TNC: variants seen among roughly 807,000 people sequenced by gnomAD.
The protein encoded by TNC is tenascin C.
Under a neutral mutation model 202.4 loss-of-function variants are expected in TNC, and 109 were observed. The observed-to-expected ratio is 0.54, with a 90% CI of 0.46 to 0.63. TNC has a LOEUF of 0.63. Among genes scored for constraint, TNC ranks in the 30% least tolerant of loss-of-function variants. The pLI, the probability that TNC is intolerant of heterozygous loss-of-function variation, is 0.00. For missense variants in TNC, 2,756 were observed against 2,833.3 expected, an observed-to-expected ratio of 0.97 and a Z score of 0.62; for synonymous variants, 1,007 against 1,089.7, an observed-to-expected ratio of 0.92 and a Z score of 1.50.
At chr9:115,111,296 T>A (rs1455432119) in intron 1 of TNC, among the ~76,000 whole-genome samples, 2 of 151,974 alleles carry the variant, frequency 1.3e-5, no homozygotes, top group Non-Finnish European at 2.9e-5. Context: ...GTGACTTTCT[T>A]CTAACAAACA....
rs367665558 is a variant in TNC, at chr9:115,082,800, A to C, written c.2139T>G (p.Pro713=). ...PVSARVATYL[P]APEGLKFKSI... The stretch of plus-strand genomic sequence containing the variant: ...ACTTGAATTTCAGGCCTTCAGGTGC[A>C]GGTAAGTCTGTAAGTAACAACATAA... Residue 713 remains proline, a synonymous_variant, in exon 5 of 28, where the codon CCT becomes CCG. Transcript: ENST00000350763. The C allele has an allele frequency of 5.0e-6, 8 of 1,612,282 alleles. No homozygotes were observed. The highest frequency in any genetic ancestry group is 1.6e-4 in the Middle Eastern group (1 of 6,082).
At chr9:115,109,790 C>A (rs184743344) in intron 1 of TNC, among the ~76,000 whole-genome samples, 1 of 152,236 alleles carries the variant, frequency 6.6e-6, no homozygotes, top group Non-Finnish European at 1.5e-5. Flanking sequence ...TTCCTCCTAT[C>A]ACATGTTGTG....
chr9:115,082,675 T>C lies in TNC; in HGVS notation c.2247+17A>G. The C allele has an allele frequency of 6.5e-7, 1 of 1,542,566 alleles. No individual in the cohort carries two copies. Among genetic ancestry groups the C allele is most frequent in the Non-Finnish European group, 9.0e-7 (1 of 1,114,970 alleles). ...AATCCTTGAGATCAAATGGATCTGC[T>C]CTTTTGTACTCCTTACCATATTCCG... On this transcript the variant is annotated intron_variant, in intron 5 of 27. Coordinates refer to ENST00000350763, the MANE Select transcript of TNC (RefSeq NM_002160.4).
chr9:115,025,387 C>CT (rs3838333), intron 26 of TNC, among the ~76,000 whole-genome samples: 64,305 of 151,992 alleles, frequency 0.42, 13,648 homozygotes, highest in Middle Eastern at 0.45. Flanking sequence ...CTCAGCCTGG[C>CT]TTTGGCAACC....
At chr9:115,087,622 CTATTCCTATGATGAT>C (rs1448869790) in intron 2 of TNC, among the ~76,000 whole-genome samples, 2 of 150,018 alleles carry the variant, frequency 1.3e-5, no homozygotes, top group Non-Finnish European at 3.0e-5. Flanking sequence ...AGAAGTCTTA[CTATTCCTATGATGAT>C]TATGAGTCAC....
chr9:115,078,303 TGG>T, intron 6 of TNC, 91 bp from the exon 7 acceptor site: 1 of 1,416,906 alleles, frequency 7.1e-7, no homozygotes, highest in Non-Finnish European at 9.5e-7. Context: ...TCCAGACCTG[TGG>T]GTGAATACTT....
Position 115,090,851 on chromosome 9 carries a change from G to T in TNC, c.168C>A (p.Ile56=). 1.2e-6 allele frequency: 2 copies of T among 1,614,216 alleles called. No homozygotes were observed. The highest frequency in any genetic ancestry group is 1.7e-6 in the Non-Finnish European group (2 of 1,180,036). The change falls in exon 2 of 28, where the codon ATC becomes ATA. Residue 56 remains isoleucine, a synonymous_variant. Coordinates refer to ENST00000350763, the MANE Select transcript of TNC (RefSeq NM_002160.4). ...QPVVFNHVYN[I]KLPVGSQCSV... ...AACACTGGGATCCCACTGGCAGCTT[G>T]ATGTTGTAAACGTGGTTAAACACCA...
At chr9:115,028,629 G>A (rs1829692117) in intron 25 of TNC, among the ~76,000 whole-genome samples, 2 of 151,352 alleles carry the variant, frequency 1.3e-5, no homozygotes, top group African/African-American at 2.4e-5. Flanking sequence ...CTGCCAATAG[G>A]AAAAAAAATA....
At chr9:115,108,309 GGTATGTTTGGAGA>G (rs1299476788) in intron 1 of TNC, among the ~76,000 whole-genome samples, 2 of 152,188 alleles carry the variant, frequency 1.3e-5, no homozygotes. Flanking sequence ...CCTATGGTCA[GGTATGTTTGGAGA>G]TACTGGGCTA....
At chr9:115,092,606 C>T (rs1835314413) in intron 1 of TNC, among the ~76,000 whole-genome samples, 1 of 152,120 alleles carries the variant, frequency 6.6e-6, no homozygotes, top group South Asian at 2.1e-4. Context: ...CAGAGTCTCA[C>T]TCTGTTGTCC....
chr9:115,044,608 A>C lies in TNC; in HGVS notation c.5125+1802T>G, dbSNP rs192395797. On this transcript the variant is annotated intron_variant, in intron 17 of 27. Transcript: ENST00000350763. ...GAACTGCAGGGCTTCTAGAAAAAAA[A>C]GATCAGCAAAACAAATCAATGATCA... 3.4e-3 allele frequency among the ~76,000 whole-genome samples: 517 copies of C among 152,282 alleles called. 13 individuals are homozygous for C. Among genetic ancestry groups the C allele is most frequent in the Admixed American group, 0.025 (376 of 15,290 alleles).
In TNC at chr9:115,101,623, A is replaced by T. The variant is rs74577794; in HGVS notation, c.-136-10469T>A. On this transcript the variant is annotated intron_variant, in intron 1 of 27. Transcript: ENST00000350763. The stretch of plus-strand genomic sequence containing the variant: ...TCCCAAGCCAATAGCAAGAGTATAA[A>T]TGTTAACATTCTTTCAAGAGCGAAA... 6.6e-3 allele frequency among the ~76,000 whole-genome samples: 1,005 copies of T among 152,334 alleles called. 10 individuals are homozygous for T. The highest frequency in any genetic ancestry group is 0.016 in the South Asian group (77 of 4,828).
At chr9:115,044,402 C>A (rs1446054265) in intron 17 of TNC, among the ~76,000 whole-genome samples, 1 of 151,568 alleles carries the variant, frequency 6.6e-6, no homozygotes, top group Non-Finnish European at 1.5e-5. Flanking sequence ...CACACACACA[C>A]ACACACACAC....
chr9:115,075,352 G>A (rs1046237347), intron 9 of TNC, among the ~76,000 whole-genome samples: 4 of 152,114 alleles, frequency 2.6e-5, no homozygotes, highest in Admixed American at 1.3e-4. Context: ...CTGCTTGACA[G>A]GGGTATAAAA....
intron 22 of TNC, among the ~76,000 whole-genome samples, chr9:115,032,379 C>A (rs1184135110): frequency 6.6e-6 from 1 of 152,108 alleles, no homozygotes; most frequent in East Asian, 1.9e-4. Context: ...AGTTTATCAT[C>A]ACAAGAAATG....
chr9:115,101,827 T>C (rs983795121), intron 1 of TNC, among the ~76,000 whole-genome samples: 1 of 152,084 alleles, frequency 6.6e-6, no homozygotes, highest in Admixed American at 6.5e-5. Context: ...GGGAAGTTCA[T>C]GGGGGGCTTC....
At position 115,064,798 on chromosome 9, in the gene TNC, G is replaced by C; in HGVS notation, c.3336C>G (p.Asn1112Lys). The change falls in exon 11 of 28, where the codon AAC becomes AAG. Residue 1112 changes from asparagine to lysine, a missense_variant. Coordinates refer to ENST00000350763, the MANE Select transcript of TNC (RefSeq NM_002160.4). ...TGAGGTTCCGAGCTGCCTCCACCTT[G>C]TTGGCCTCCTGCACCTGAATGATAA... ...EHFIIQVQEA[N>K]KVEAARNLTV... 1 of 1,614,130 alleles carries C rather than the reference G, an allele frequency of 6.2e-7. No individual in the cohort carries two copies. Among genetic ancestry groups the C allele is most frequent in the Non-Finnish European group, 8.5e-7 (1 of 1,180,022 alleles).
Position 115,020,843 on chromosome 9 carries a change from C to T in TNC, c.*314G>A, listed in dbSNP as rs894680469. 6 of 335,660 alleles carry T rather than the reference C, an allele frequency of 1.8e-5. No individual in the cohort carries two copies. The highest frequency in any genetic ancestry group is 8.4e-5 in the African/African-American group (4 of 47,722). The allele number at this position is 335,660 out of a possible 1,614,324, so 20.8% of individuals were successfully genotyped here. A position where few individuals can be genotyped will look rare whatever the true frequency, so the allele number is the denominator to read the frequency against. On this transcript the variant is annotated 3_prime_UTR_variant, in exon 28 of 28. Transcript: ENST00000350763. ...CTAAAACAAACTACCCCTGTACATCCTACCCCTCTCCCATTCCCAGAGCCA... is the reference window on the plus strand; with the variant it reads ...CTAAAACAAACTACCCCTGTACATCTTACCCCTCTCCCATTCCCAGAGCCA...
Position 115,048,964 on chromosome 9 carries a change from C to T in TNC, c.4580-432G>A, listed in dbSNP as rs531197975. On this transcript the variant is annotated intron_variant, in intron 15 of 27. Transcript: ENST00000350763. The stretch of plus-strand genomic sequence containing the variant: ...TTTTTTTTCGAGTATAATTTCTTTC[C>T]GGTATACTTCATGTGTTTCTATCCC... 8.6e-5 allele frequency among the ~76,000 whole-genome samples: 13 copies of T among 151,380 alleles called. No homozygotes were observed. In the Middle Eastern group the frequency reaches 0.01, roughly 119 times the overall value.
Sources: allele counts gnomAD v4.1 joint callset (sites outside exome capture counted in the v4.1 genomes callset), GRCh38; gene constraint gnomAD v4.1.1; transcripts MANE v1.5; gene names NCBI Gene and HGNC (gene_info 2026-07-23, HGNC 2026-07-21).